ART3: variants seen among roughly 807,000 people sequenced by gnomAD.
The protein encoded by ART3 is ecto-ADP-ribosyltransferase 3.
In ART3, 49 loss-of-function variants were observed where a neutral mutation model predicts 48.5. That is an observed-to-expected ratio of 1.01 (90% CI 0.80 to 1.28). The LOEUF (loss-of-function observed/expected upper bound fraction) is 1.28, where lower values mean the gene tolerates loss of function less well. Ranked by LOEUF, ART3 falls within the 50% of genes most tolerant of loss-of-function variation. The probability of loss-of-function intolerance (pLI) is 0.00; values close to 1 mark genes in which losing one functional copy is unlikely to be tolerated. For synonymous variants in ART3, 145 were observed against 157.2 expected, an observed-to-expected ratio of 0.92 and a Z score of 0.58; for missense variants, 438 against 454.3, an observed-to-expected ratio of 0.96 and a Z score of 0.33.
chr4:76,060,232 T>C (rs1411351149), intron 1 of ART3, among the ~76,000 whole-genome samples: 1 of 152,236 alleles, frequency 6.6e-6, no homozygotes, highest in African/African-American at 2.4e-5. Flanking sequence ...AACATAATAC[T>C]GTTGTAGAAT....
chr4:76,100,961 A>G (rs778681071), intron 7 of ART3, 29 bp from the exon 8 acceptor site: 12 of 1,612,282 alleles, frequency 7.4e-6, no homozygotes, highest in Admixed American at 3.4e-5. Context: ...TCCATTGTTA[A>G]AACTGATAAG....
At chr4:76,026,253 T>G (rs1733374224) in intron 1 of ART3, among the ~76,000 whole-genome samples, 1 of 152,124 alleles carries the variant, frequency 6.6e-6, no homozygotes, top group Non-Finnish European at 1.5e-5. Flanking sequence ...ATGACTTTAA[T>G]TCTCTACATG....
chr4:76,101,775 T>G (rs1402251761), intron 8 of ART3, among the ~76,000 whole-genome samples: 1 of 152,106 alleles, frequency 6.6e-6, no homozygotes, highest in Non-Finnish European at 1.5e-5. Context: ...TACTCAGATG[T>G]CCTCAAGGAT....
Position 76,105,174 on chromosome 4 carries a change from C to T in ART3, c.1003+545C>T, listed in dbSNP as rs181574186. On this transcript the variant is annotated intron_variant, in intron 10 of 11. Coordinates refer to ENST00000355810, the MANE Select transcript of ART3 (RefSeq NM_001130016.3). ...ACTGATGACACACCTTGTGCGTCTACATCTCTTCAGCTCGCTAGTCCTGAG... is the reference window on the plus strand; with the variant it reads ...ACTGATGACACACCTTGTGCGTCTATATCTCTTCAGCTCGCTAGTCCTGAG... Among the ~76,000 whole-genome samples the T allele has an allele frequency of 3.9e-5, 6 of 152,294 alleles. No individual in the cohort carries two copies. In the East Asian group the frequency reaches 1.2e-3, roughly 29 times the overall value.
At position 76,015,522 on chromosome 4, in the gene ART3, A is replaced by T. The variant is rs532416882; in HGVS notation, c.-10+4202A>T. On this transcript the variant is annotated intron_variant, in intron 1 of 9. Transcript: ENST00000341029. The stretch of plus-strand genomic sequence containing the variant: ...AAATTGAGGAACAAAAAAATAAGAC[A>T]CTTAAAAAATTCAATAGCTGAAAGG... 2.6e-5 allele frequency among the ~76,000 whole-genome samples: 4 copies of T among 152,340 alleles called. No individual in the cohort carries two copies. In the South Asian group the frequency reaches 8.3e-4, roughly 32 times the overall value.
chr4:76,030,120 G>A (rs1221619502), intron 1 of ART3, among the ~76,000 whole-genome samples: 2 of 152,156 alleles, frequency 1.3e-5, no homozygotes, highest in African/African-American at 4.8e-5. Flanking sequence ...GCAATGACGC[G>A]ATCTCGGCTC....
chr4:76,052,718 CT>C (rs55799556), intron 1 of ART3, among the ~76,000 whole-genome samples: 237 of 115,008 alleles, frequency 2.1e-3, no homozygotes, highest in Non-Finnish European at 2.4e-3. Flanking sequence ...TTTTTTCCTT[CT>C]TTTTTTTTTT....
chr4:76,043,231 C>T (rs373773047), intron 1 of ART3, among the ~76,000 whole-genome samples: 71 of 152,244 alleles, frequency 4.7e-4, no homozygotes, highest in African/African-American at 1.6e-3. Flanking sequence ...GCTGGCTTCA[C>T]GCAGTGGATC....
chr4:76,040,146 G>A (rs1734806337), intron 1 of ART3, among the ~76,000 whole-genome samples: 1 of 152,128 alleles, frequency 6.6e-6, no homozygotes, highest in Non-Finnish European at 1.5e-5. Flanking sequence ...CCAACATGGT[G>A]AAACTCTGTC....
intron 3 of ART3, among the ~76,000 whole-genome samples, chr4:76,095,972 G>A (rs558975070): frequency 3.3e-5 from 5 of 152,054 alleles, no homozygotes; most frequent in African/African-American, 1.2e-4. Context: ...ACCCAGGCTG[G>A]GGTGCAGTGG....
At chr4:76,049,767 G>A (rs911991227) in intron 1 of ART3, among the ~76,000 whole-genome samples, 15 of 152,052 alleles carry the variant, frequency 9.9e-5, no homozygotes, top group African/African-American at 3.6e-4. Flanking sequence ...GGCGATAGGC[G>A]AAAGTCCCTT....
intron 1 of ART3, among the ~76,000 whole-genome samples, chr4:76,014,373 A>G (rs1260708172): frequency 1.3e-5 from 2 of 152,204 alleles, no homozygotes; most frequent in East Asian, 3.8e-4. Flanking sequence ...ACAAATAGAA[A>G]TGATGGAGCG....
chr4:76,043,461 G>A (rs990486162), intron 1 of ART3, among the ~76,000 whole-genome samples: 6 of 152,220 alleles, frequency 3.9e-5, no homozygotes, highest in South Asian at 2.1e-4. Flanking sequence ...GCTAAGGCCC[G>A]ATGAGAAATC....
At chr4:76,059,387 A>T (rs1356728850) in intron 1 of ART3, among the ~76,000 whole-genome samples, 1 of 141,652 alleles carries the variant, frequency 7.1e-6, no homozygotes. Flanking sequence ...TTTTTTCCTG[A>T]GCTTTATTTG....
intron 1 of ART3, among the ~76,000 whole-genome samples, chr4:76,050,549 A>G (rs569111373): frequency 8.0e-4 from 122 of 152,300 alleles, no homozygotes; most frequent in South Asian, 2.5e-3. Flanking sequence ...TAGACATAAA[A>G]GTTCTCCATG....
chr4:76,042,269 G>T (rs1308641096), intron 1 of ART3, among the ~76,000 whole-genome samples: 1 of 152,096 alleles, frequency 6.6e-6, no homozygotes, highest in African/African-American at 2.4e-5. Flanking sequence ...CATTCACCAG[G>T]TCTCTGAATA....
intron 3 of ART3, among the ~76,000 whole-genome samples, chr4:76,086,588 A>G (rs990278973): frequency 1.2e-4 from 19 of 152,354 alleles, no homozygotes; most frequent in African/African-American, 4.1e-4. Context: ...TACTTAAATA[A>G]GGATTTTAGC....
chr4:76,072,520 G>T (rs1219396849), upstream of ART3, among the ~76,000 whole-genome samples: 1 of 151,844 alleles, frequency 6.6e-6, no homozygotes, highest in Non-Finnish European at 1.5e-5. Flanking sequence ...CCTGATTCAA[G>T]CCACCATAAT....
intron 3 of ART3, among the ~76,000 whole-genome samples, chr4:76,086,585 A>G (rs1723627627): frequency 6.6e-6 from 1 of 152,238 alleles, no homozygotes; most frequent in African/African-American, 2.4e-5. Context: ...TTTTACTTAA[A>G]TAAGGATTTT....
Sources: gnomAD v4.1 joint callset for allele counts (sites outside exome capture counted in the v4.1 genomes callset) on GRCh38, gnomAD v4.1.1 for gene constraint, MANE v1.5 for transcripts, NCBI Gene and HGNC (gene_info 2026-07-23, HGNC 2026-07-21) for gene names.